CAMK2A: variants seen among roughly 807,000 people sequenced by gnomAD.
CAMK2A encodes the protein calcium/calmodulin-dependent protein kinase type II subunit alpha.
Under a neutral mutation model 79.2 loss-of-function variants are expected in CAMK2A, and 7 were observed. The observed-to-expected ratio is 0.09, with a 90% CI of 0.05 to 0.17. CAMK2A has a LOEUF of 0.17. CAMK2A is among the 10% of genes least tolerant of loss of function. CAMK2A has a pLI of 1.00. For missense variants in CAMK2A, 214 were observed against 646.4 expected (o/e 0.33, Z 7.25); for synonymous variants, 242 against 251.7 (o/e 0.96, Z 0.36).
intron 15 of CAMK2A, among the ~76,000 whole-genome samples, chr5:150,232,675 T>A (rs900317690): frequency 6.6e-6 from 1 of 152,180 alleles, no homozygotes; most frequent in African/African-American, 2.4e-5. Context: ...GATTGCAAGC[T>A]CAGGCCTGGC....
chr5:150,243,515 C>T (rs1223999274), intron 13 of CAMK2A, among the ~76,000 whole-genome samples: 1 of 152,132 alleles, frequency 6.6e-6, no homozygotes, highest in African/African-American at 2.4e-5. Flanking sequence ...ATTCAATGCC[C>T]GATTCCATTA....
intron 17 of CAMK2A, among the ~76,000 whole-genome samples, chr5:150,224,429 C>T (rs1156716672): frequency 6.6e-6 from 1 of 152,164 alleles, no homozygotes; most frequent in Non-Finnish European, 1.5e-5. Flanking sequence ...CCACTTGATC[C>T]TGGTGCCAAG....
chr5:150,254,325 C>T (rs1198804919), intron 6 of CAMK2A, among the ~76,000 whole-genome samples: 1 of 152,208 alleles, frequency 6.6e-6, no homozygotes, highest in Non-Finnish European at 1.5e-5. Flanking sequence ...ACCACTGTAT[C>T]ACCAGCACCT....
intron 15 of CAMK2A, 61 bp downstream of exon 15, chr5:150,238,639 G>C: frequency 1.4e-6 from 2 of 1,476,952 alleles, no homozygotes; most frequent in Non-Finnish European, 1.9e-6. Context: ...AGGAAAAAGA[G>C]GTCTGCTCAG....
Position 150,273,147 on chromosome 5 carries a change from C to G in CAMK2A, c.75G>C (p.Ser25=), listed in dbSNP as rs759905592. Residue 25 remains serine (S), a synonymous_variant, in exon 2 of 19, where the codon TCG becomes TCC. Coordinates refer to ENST00000671881, the MANE Select transcript of CAMK2A (RefSeq NM_015981.4). ...LFEELGKGAF[S]VVRRCVKVLA... The stretch of plus-strand genomic sequence containing the variant: ...GCACCTTCACACACCTTCGCACCAC[C>G]GAGAAGGCTCCCCTAGGAGGACAGA... 5.0e-6 allele frequency: 8 copies of G among 1,613,106 alleles called. No individual in the cohort carries two copies. The highest frequency in any genetic ancestry group is 6.8e-6 in the Non-Finnish European group (8 of 1,179,514).
rs201071637 is a variant in CAMK2A, at chr5:150,247,825, T to C, written c.901-11A>G. 29 of 1,612,140 alleles carry C rather than the reference T, an allele frequency of 1.8e-5. No homozygotes were observed. The highest frequency in any genetic ancestry group is 1.2e-4 in the Admixed American group (7 of 59,874). ...GGTGAGAATGGCTCCCTGCAAGACA[T>C]AAGAAGAGGGCAGTGGGAGAGGAGG... On this transcript the variant is annotated splice_polypyrimidine_tract_variant and intron_variant, in intron 11 of 18. Coordinates refer to ENST00000671881, the MANE Select transcript of CAMK2A (RefSeq NM_015981.4).
intron 3 of CAMK2A, among the ~76,000 whole-genome samples, chr5:150,260,531 C>A (rs1421862837): frequency 6.6e-5 from 10 of 151,778 alleles, no homozygotes; most frequent in Admixed American, 2.0e-4. Context: ...CAATTCTATA[C>A]CTGGGCCCTG....
rs1007710333 is a variant in CAMK2A, at chr5:150,248,006, A to G, written c.901-192T>C. ...CCAGAGCCCATCCCTCGCCCCCTGG[A>G]GAAGTCGGGGTGAGCTAGGCTTTAG... On this transcript the variant is annotated intron_variant, in intron 11 of 18. Transcript: ENST00000671881. Among the ~76,000 whole-genome samples, 4 of 152,086 alleles carry G rather than the reference A, an allele frequency of 2.6e-5. No homozygotes were observed. The East Asian group carries it at 7.7e-4, about 29-fold the overall frequency.
chr5:150,233,244 G>A (rs1306833281), intron 15 of CAMK2A, among the ~76,000 whole-genome samples: 3 of 152,224 alleles, frequency 2.0e-5, no homozygotes, highest in African/African-American at 7.2e-5. Flanking sequence ...CCACGTCACA[G>A]ATGAGCAAAC....
At chr5:150,233,322 A>T (rs950920889) in intron 15 of CAMK2A, among the ~76,000 whole-genome samples, 1 of 152,200 alleles carries the variant, frequency 6.6e-6, no homozygotes, top group Non-Finnish European at 1.5e-5. Context: ...TTGCAGCCCT[A>T]AAGCCCATCA....
intron 16 of CAMK2A, among the ~76,000 whole-genome samples, chr5:150,230,285 T>C (rs1754781769): frequency 8.0e-6 from 1 of 124,622 alleles, no homozygotes; most frequent in South Asian, 2.4e-4. Flanking sequence ...GCCACTGCAC[T>C]ATAGTCTGGG....
rs1754210855 is a variant in CAMK2A at position 150,219,792 on chromosome 5, CAGG to C, written c.*2915_*2917del. The C allele has an allele frequency of 6.6e-6, 1 of 152,368 alleles. No homozygotes were observed. Among genetic ancestry groups the C allele is most frequent in the South Asian group, 2.1e-4 (1 of 4,824 alleles). The allele number at this position is 152,368 out of a possible 1,614,324, so 9.4% of individuals were successfully genotyped here. Reference sequence around the variant, plus strand: ...ATTCGCACCATGGTGGGCACAAACCCAGGAGAACACTTTCCTGTAAACGTGTTT... The same window carrying C: ...ATTCGCACCATGGTGGGCACAAACCCAGAACACTTTCCTGTAAACGTGTTT... On this transcript the variant is annotated 3_prime_UTR_variant, in exon 19 of 19. Coordinates refer to ENST00000671881, the MANE Select transcript of CAMK2A (RefSeq NM_015981.4).
intron 16 of CAMK2A, among the ~76,000 whole-genome samples, chr5:150,231,054 A>C (rs991715682): frequency 1.2e-4 from 18 of 152,194 alleles, no homozygotes; most frequent in Admixed American, 3.3e-4. Context: ...AGTTCCTCCC[A>C]GGGAACAAGA....
At chr5:150,226,934 T>A (rs1401203507) in intron 17 of CAMK2A, among the ~76,000 whole-genome samples, 1 of 151,126 alleles carries the variant, frequency 6.6e-6, no homozygotes, top group Non-Finnish European at 1.5e-5. Flanking sequence ...ACCATGGCCA[T>A]CTAATTTTTG....
At chr5:150,275,839 C>G (rs1419226878) in intron 1 of CAMK2A, among the ~76,000 whole-genome samples, 1 of 152,030 alleles carries the variant, frequency 6.6e-6, no homozygotes. Flanking sequence ...CAGAAGGTCT[C>G]CCAGCTCCGT....
At chr5:150,250,605 G>T in intron 10 of CAMK2A, 83 bp downstream of exon 10, 1 of 1,562,352 alleles carries the variant, frequency 6.4e-7, no homozygotes, top group South Asian at 1.2e-5. Context: ...CCATGGGCCA[G>T]GGGAAGGGCC....
At chr5:150,289,116 G>A (rs767503671) in intron 1 of CAMK2A, among the ~76,000 whole-genome samples, 6 of 152,186 alleles carry the variant, frequency 3.9e-5, no homozygotes, top group South Asian at 2.1e-4. Context: ...AAGAACTACC[G>A]GGAGCTGGTG....
intron 1 of CAMK2A, among the ~76,000 whole-genome samples, chr5:150,276,854 G>A (rs1756968352): frequency 6.6e-6 from 1 of 152,158 alleles, no homozygotes; most frequent in Non-Finnish European, 1.5e-5. Context: ...CCATTAGAGA[G>A]GCAAAACTCC....
chr5:150,225,039 A>AGG (rs1462678293), intron 17 of CAMK2A, among the ~76,000 whole-genome samples: 5 of 119,624 alleles, frequency 4.2e-5, no homozygotes, highest in Admixed American at 8.1e-5. Context: ...CCTGGTAGGT[A>AGG]GGGAGAGAGA....
Sources: allele counts gnomAD v4.1 joint callset (sites outside exome capture counted in the v4.1 genomes callset), GRCh38; gene constraint gnomAD v4.1.1; transcripts MANE v1.5; gene names NCBI Gene and HGNC (gene_info 2026-07-23, HGNC 2026-07-21).